TTC13: variants seen among roughly 807,000 people sequenced by gnomAD.
The protein encoded by TTC13 is tetratricopeptide repeat domain 13, also known as tetratricopeptide repeat protein 13.
In TTC13, 62 loss-of-function variants were observed where a neutral mutation model predicts 120.0. The observed-to-expected ratio is 0.52, with a 90% CI of 0.42 to 0.64. The LOEUF (loss-of-function observed/expected upper bound fraction) is 0.64, where lower values mean the gene tolerates loss of function less well. Among genes scored for constraint, TTC13 ranks in the 30% least tolerant of loss-of-function variants. TTC13 has a pLI of 0.00. For synonymous variants in TTC13, 384 were observed against 393.5 expected, an observed-to-expected ratio of 0.98 and a Z score of 0.28; for missense variants, 824 against 1,050.2, an observed-to-expected ratio of 0.78 and a Z score of 2.98.
At position 230,925,641 on chromosome 1, in the gene TTC13, C is replaced by A; in HGVS notation, c.1464G>T (p.Val488=). ...QPGLQPHIKD[V]LHQNFESYKP... ...TATAACTCTCAAAATTCTGATGTAA[C>A]ACATCTCTGGAAGAAACATCATGTA... is the stretch of plus-strand genomic sequence containing the variant. The change falls in exon 13 of 23, where the codon GTG becomes GTT. Residue 488 remains valine (V), a synonymous_variant. Coordinates refer to ENST00000366661, the MANE Select transcript of TTC13 (RefSeq NM_024525.5). 5 of 1,613,938 alleles carry A rather than the reference C, an allele frequency of 3.1e-6. No individual in the cohort carries two copies. Among genetic ancestry groups the A allele is most frequent in the Non-Finnish European group, 4.2e-6 (5 of 1,179,896 alleles).
At chr1:230,921,174 T>C (rs551329319) in intron 16 of TTC13, among the ~76,000 whole-genome samples, 11 of 152,322 alleles carry the variant, frequency 7.2e-5, no homozygotes, top group African/African-American at 2.2e-4. Context: ...TCCTGCTTTA[T>C]AGAAGAAAGA....
At chr1:230,950,888 T>G (rs1675508982) in intron 4 of TTC13, among the ~76,000 whole-genome samples, 1 of 152,162 alleles carries the variant, frequency 6.6e-6, no homozygotes. Flanking sequence ...AGTTCTACTT[T>G]TCAACTCAAG....
At chr1:230,925,433 AAT>A in intron 13 of TTC13, 82 bp downstream of exon 13, 1 of 1,414,750 alleles carries the variant, frequency 7.1e-7, no homozygotes, top group African/African-American at 1.4e-5. Context: ...AATAAATACT[AAT>A]TTATTAAAAT....
chr1:230,954,204 C>A, intron 4 of TTC13, 129 bp downstream of exon 4: 2 of 638,976 alleles, frequency 3.1e-6, no homozygotes, highest in South Asian at 2.2e-5. Flanking sequence ...GTGCTCAGTC[C>A]ATACCAATTT....
chr1:230,959,127 A>G (rs12733011), intron 2 of TTC13, among the ~76,000 whole-genome samples: 13 of 152,012 alleles, frequency 8.6e-5, no homozygotes, highest in Non-Finnish European at 1.0e-4. Context: ...TGAAGCTGGG[A>G]AAAAAAGCAA....
intron 3 of TTC13, 43 bp downstream of exon 3, chr1:230,958,181 T>G: frequency 6.2e-7 from 1 of 1,601,800 alleles, no homozygotes; most frequent in Non-Finnish European, 8.5e-7. Context: ...AACCAAAACT[T>G]TGAGGCAAAT....
rs1161586327 is a variant in TTC13 at position 230,928,294 on chromosome 1, A to T, written c.1457+643T>A. Among the ~76,000 whole-genome samples, 3 of 152,186 alleles carry T rather than the reference A, an allele frequency of 2.0e-5. No homozygotes were observed. In the East Asian group the frequency reaches 5.8e-4, roughly 29 times the overall value. ...TCTCACCATTTATTTGTTTTATCTTAGTAACTTTCAATTAAGTTTTGTGAT... is the reference window on the plus strand; with the variant it reads ...TCTCACCATTTATTTGTTTTATCTTTGTAACTTTCAATTAAGTTTTGTGAT... On this transcript the variant is annotated intron_variant, in intron 12 of 22. Coordinates refer to ENST00000366661, the MANE Select transcript of TTC13 (RefSeq NM_024525.5).
At chr1:230,943,291 C>T (rs544858768) in intron 6 of TTC13, among the ~76,000 whole-genome samples, 7 of 151,408 alleles carry the variant, frequency 4.6e-5, no homozygotes, top group Admixed American at 3.9e-4. Flanking sequence ...GGTACATGTG[C>T]ACAATGTGCA....
intron 2 of TTC13, among the ~76,000 whole-genome samples, chr1:230,960,307 C>A (rs1425806970): frequency 6.6e-6 from 1 of 152,204 alleles, no homozygotes; most frequent in Non-Finnish European, 1.5e-5. Context: ...TTTAACTACT[C>A]TCAGTAAGAA....
Position 230,961,280 on chromosome 1 carries a change from C to A in TTC13, c.295G>T (p.Asp99Tyr). 2 of 1,613,794 alleles carry A rather than the reference C, an allele frequency of 1.2e-6. No individual in the cohort carries two copies. The highest frequency in any genetic ancestry group is 2.2e-5 in the South Asian group (2 of 90,948). Residue 99 changes from aspartate to tyrosine, a missense_variant, in exon 2 of 23, where the codon GAC becomes TAC. Around this residue, in one of 4 missense-constraint regions of TTC13, gnomAD observed 160 missense variants for 137.2 expected, o/e 1.17. Coordinates refer to ENST00000366661, the MANE Select transcript of TTC13 (RefSeq NM_024525.5). ...GATCCCTTGGGTTCGCAGTCTGAGT[C>A]ATGGAAGTTCAAAAAGGATGACTCT... ...CGESSFLNFH[D>Y]SDCEPKGSSP... is the part of the protein sequence containing the mutation.
chr1:230,950,975 C>T (rs1215857378), intron 4 of TTC13, among the ~76,000 whole-genome samples: 1 of 152,178 alleles, frequency 6.6e-6, no homozygotes, highest in Non-Finnish European at 1.5e-5. Flanking sequence ...AACTTATAAG[C>T]TTTAAAAATC....
chr1:230,934,495 C>T (rs17734675), intron 8 of TTC13, among the ~76,000 whole-genome samples: 26,231 of 152,190 alleles, frequency 0.17, 2,991 homozygotes, highest in East Asian at 0.32. Context: ...AACTGCTAAG[C>T]AGGCACTATC....
intron 8 of TTC13, among the ~76,000 whole-genome samples, chr1:230,934,822 A>G (rs1673889956): frequency 6.6e-6 from 1 of 152,270 alleles, no homozygotes; most frequent in Admixed American, 6.5e-5. Flanking sequence ...TAGATAATTC[A>G]TAGAAGAAAA....
intron 3 of TTC13, 36 bp from the exon 4 acceptor site, chr1:230,954,439 A>C: frequency 6.6e-7 from 1 of 1,505,702 alleles, no homozygotes; most frequent in East Asian, 2.3e-5. Context: ...AAAGGAAAGA[A>C]TAAAGTAGTT....
chr1:230,929,293 G>C (rs1673327623), intron 11 of TTC13, among the ~76,000 whole-genome samples, 200 bp from the exon 12 acceptor site: 1 of 151,316 alleles, frequency 6.6e-6, no homozygotes, highest in Non-Finnish European at 1.5e-5. Flanking sequence ...TCAAATATAA[G>C]TCAGTCAGTC....
chr1:230,908,907 T>C (rs1462033219), intron 21 of TTC13, 35 bp downstream of exon 21: 6 of 1,612,336 alleles, frequency 3.7e-6, no homozygotes, highest in Non-Finnish European at 5.1e-6. Flanking sequence ...ACTTAATACA[T>C]AACCAAGCAT....
Position 230,929,085 on chromosome 1 carries a change from G to A in TTC13, c.1309C>T (p.Arg437Ter), listed in dbSNP as rs773412202. ...LKVKYLREYSRYLHAHLDTPL... is the reference protein window; with the variant it reads ...LKVKYLREYS ...GTATCAAGGTGTGCATGAAGATATC[G>A]AGAATACTCTGCAGAAAGGAAATGA... The change falls in exon 12 of 23, where the codon CGA becomes TGA. Residue 437 changes from arginine (R) to a stop codon, truncating the protein, a stop_gained. Coordinates refer to ENST00000366661, the MANE Select transcript of TTC13 (RefSeq NM_024525.5). LOFTEE classifies it high-confidence loss of function. The A allele has an allele frequency of 3.1e-6, 5 of 1,613,614 alleles. No individual in the cohort carries two copies. Among genetic ancestry groups the A allele is most frequent in the East Asian group, 4.5e-5 (2 of 44,870 alleles).
intron 9 of TTC13, 46 bp downstream of exon 9, chr1:230,933,733 C>G (rs758444386): frequency 9.5e-7 from 1 of 1,048,786 alleles, no homozygotes; most frequent in Non-Finnish European, 1.4e-6. Context: ...CTTGTCTCCC[C>G]ACTCTTCAGC....
At chr1:230,945,292 C>T in intron 5 of TTC13, 97 bp downstream of exon 5, 2 of 1,069,918 alleles carry the variant, frequency 1.9e-6, no homozygotes, top group Non-Finnish European at 2.9e-6. Context: ...CACTCCACAT[C>T]CCATCAAGGG....
Sources: allele counts gnomAD v4.1 joint callset (sites outside exome capture counted in the v4.1 genomes callset), GRCh38; gene constraint gnomAD v4.1.1; regional missense constraint gnomAD v4.1.1; transcripts MANE v1.5; gene names NCBI Gene and HGNC (gene_info 2026-07-23, HGNC 2026-07-21).